HSF5: variants seen among roughly 807,000 people sequenced by gnomAD.
HSF5 encodes the protein heat shock transcription factor 5, also known as heat shock factor protein 5.
HSF5 carries 5 observed loss-of-function variants against 50.8 expected under a neutral mutation model. The ratio of observed to expected loss-of-function variants is 0.10; its 90% CI spans 0.05 to 0.21. The LOEUF is 0.21. HSF5 is among the 10% of genes least tolerant of loss of function. The pLI is 1.00. For synonymous variants in HSF5, 307 were observed against 307.4 expected, an observed-to-expected ratio of 1.00 and a Z score of 0.02; for missense variants, 564 against 762.6, an observed-to-expected ratio of 0.74 and a Z score of 3.07.
intron 5 of HSF5, among the ~76,000 whole-genome samples, chr17:58,429,550 A>G (rs1402011490): frequency 6.6e-6 from 1 of 151,894 alleles, no homozygotes; most frequent in Admixed American, 6.6e-5. Context: ...TAAAAACTAA[A>G]AAACTAAATG....
In HSF5 at chr17:58,462,670, G is replaced by A. The variant is rs565912164; in HGVS notation, c.1542+112C>T. ...ACATGATCCTCCTGGAAACCATAAT[G>A]AACTGGTATTAAACCCAAATAAAAT... On this transcript the variant is annotated intron_variant, in intron 4 of 5. Transcript: ENST00000323777. 1.7e-5 allele frequency: 17 copies of A among 995,834 alleles called. No individual in the cohort carries two copies. In the Admixed American group the frequency reaches 3.8e-4, roughly 23 times the overall value. 61.7% of individuals were successfully genotyped at this position (995,834 alleles called of 1,614,324 possible).
At chr17:58,482,572 G>C (rs2143809825) in intron 1 of HSF5, among the ~76,000 whole-genome samples, 1 of 151,810 alleles carries the variant, frequency 6.6e-6, no homozygotes, top group South Asian at 2.1e-4. Context: ...AGCTGGGCTT[G>C]GTGGCACACA....
In HSF5 at chr17:58,458,918, T is replaced by C; in HGVS notation, c.1570A>G (p.Ser524Gly). The C allele has an allele frequency of 1.9e-6, 3 of 1,610,480 alleles. No individual in the cohort carries two copies. The highest frequency in any genetic ancestry group is 2.5e-6 in the Non-Finnish European group (3 of 1,179,068). The part of the protein sequence containing the change: ...QVDANIKCQT[S>G]SRENILPSEQ... ...GACGGCAAGATATTCTCACGTGAAC[T>C]GGTCTGGCATTTTATGTTGGCATCC... The change falls in exon 5 of 6, where the codon AGT (serine) becomes GGT (glycine). Residue 524 changes from serine (S) to glycine (G), a missense_variant. Transcript: ENST00000323777.
At chr17:58,439,673 G>A (rs6503863) in intron 5 of HSF5, among the ~76,000 whole-genome samples, 72,562 of 151,826 alleles carry the variant, frequency 0.48, 17,950 homozygotes, top group African/African-American at 0.61. Context: ...CAGTAGAGAC[G>A]GGGTTTCACC....
intron 2 of HSF5, among the ~76,000 whole-genome samples, chr17:58,472,854 A>G (rs1000879055): frequency 6.6e-6 from 1 of 152,108 alleles, no homozygotes; most frequent in Admixed American, 6.5e-5. Context: ...CATTCTCTCT[A>G]CTCTGGTGAG....
At chr17:58,434,277 C>T (rs1349044195) in intron 5 of HSF5, among the ~76,000 whole-genome samples, 3 of 151,692 alleles carry the variant, frequency 2.0e-5, no homozygotes, top group Admixed American at 6.6e-5. Flanking sequence ...AATTATCTAA[C>T]ATAAAAGATA....
Position 58,461,341 on chromosome 17 carries a change from TA to T in HSF5, c.1542+1440del, listed in dbSNP as rs558004950. ...ATATACTAGATCTTGACAGTCAGGC[TA>T]AAAAAAAATGAGGTGATATAAATTT... is the stretch of plus-strand genomic sequence containing the variant. On this transcript the variant is annotated intron_variant, in intron 4 of 5. Transcript: ENST00000323777. Among the ~76,000 whole-genome samples the T allele has an allele frequency of 1.6e-4, 23 of 147,988 alleles. No homozygotes were observed. The South Asian group carries it at 3.9e-3, about 25-fold the overall frequency.
chr17:58,484,128 C>T (rs566329260), intron 1 of HSF5, among the ~76,000 whole-genome samples: 1 of 151,810 alleles, frequency 6.6e-6, no homozygotes, highest in African/African-American at 2.4e-5. Context: ...ACACAATTCC[C>T]TAGTGAACCA....
At chr17:58,480,762 G>GCCATCTATCTAT (rs1555644444) in intron 1 of HSF5, among the ~76,000 whole-genome samples, 1 of 146,374 alleles carries the variant, frequency 6.8e-6, no homozygotes, top group Non-Finnish European at 1.5e-5. Context: ...AACGCTCTTT[G>GCCATCTATCTAT]CTATCTATCT....
rs115910939 is a variant in HSF5, at chr17:58,436,536, T to C, written c.1721-14106A>G. ...ACTGACCAAAGGATAAGGCTTTACT[T>C]AGAAAAAAAAAACAACAGGAAGAGT... On this transcript the variant is annotated intron_variant, in intron 5 of 5. Coordinates refer to ENST00000323777, the MANE Select transcript of HSF5 (RefSeq NM_001080439.3). Among the ~76,000 whole-genome samples the C allele has an allele frequency of 6.8e-3, 1,031 of 150,686 alleles. 7 individuals are homozygous for C. The highest frequency in any genetic ancestry group is 0.023 in the African/African-American group (967 of 41,150).
intron 1 of HSF5, among the ~76,000 whole-genome samples, chr17:58,481,954 T>G (rs538456479): frequency 2.7e-4 from 41 of 152,166 alleles, no homozygotes; most frequent in Non-Finnish European, 1.6e-4. Flanking sequence ...AAGCTGAGAT[T>G]GAGCCACTGT....
chr17:58,474,556 A>G (rs1175201458), intron 2 of HSF5, among the ~76,000 whole-genome samples: 2 of 152,178 alleles, frequency 1.3e-5, no homozygotes, highest in African/African-American at 4.8e-5. Flanking sequence ...ACAACTCCCA[A>G]TTTATAATTT....
rs916973939 is a variant in HSF5, at chr17:58,458,820, A to C, written c.1668T>G (p.Thr556=). The change falls in exon 5 of 6, where the codon ACT becomes ACG. Residue 556 remains threonine (T), a synonymous_variant. Transcript: ENST00000323777. ...TTCTGTGCTCTCTGTATCTGGCTGG[A>C]GTGGCTAAACCTGTGTCTTCACTAG... is the stretch of plus-strand genomic sequence containing the variant. ...SKPSEDTGLA[T]PARYREHRSN... 1 of 1,613,960 alleles carries C rather than the reference A, an allele frequency of 6.2e-7. No individual in the cohort carries two copies. The highest frequency in any genetic ancestry group is 8.5e-7 in the Non-Finnish European group (1 of 1,179,996).
intron 5 of HSF5, among the ~76,000 whole-genome samples, chr17:58,444,550 A>G (rs1301188660): frequency 1.3e-5 from 2 of 152,218 alleles, no homozygotes; most frequent in Non-Finnish European, 2.9e-5. Context: ...TACACCATAT[A>G]TGAAAACTAA....
chr17:58,450,006 G>C, intron 5 of HSF5, among the ~76,000 whole-genome samples: 1 of 132,076 alleles, frequency 7.6e-6, no homozygotes. Context: ...CTGGGTGACA[G>C]AGCGAGACTC....
chr17:58,482,941 TA>T (rs146166864), intron 1 of HSF5, among the ~76,000 whole-genome samples: 2,542 of 131,152 alleles, frequency 0.019, 49 homozygotes, highest in East Asian at 0.071. Context: ...CTCTGTCTTT[TA>T]AAAAAAAAAA....
intron 1 of HSF5, among the ~76,000 whole-genome samples, chr17:58,483,144 A>T (rs962868555): frequency 6.6e-6 from 1 of 152,060 alleles, no homozygotes; most frequent in Non-Finnish European, 1.5e-5. Flanking sequence ...CCTACAGAGT[A>T]CAACAGCTCT....
chr17:58,425,593 A>C (rs997013274), intron 5 of HSF5, among the ~76,000 whole-genome samples: 4 of 150,916 alleles, frequency 2.7e-5, no homozygotes, highest in Non-Finnish European at 3.0e-5. Flanking sequence ...AAAAAAAAAA[A>C]AAAAAAAAAC....
At chr17:58,453,871 C>G (rs1974673157) in intron 5 of HSF5, among the ~76,000 whole-genome samples, 1 of 151,646 alleles carries the variant, frequency 6.6e-6, no homozygotes, top group African/African-American at 2.4e-5. Context: ...GGCAGATCAC[C>G]TGAGGTCAGG....
Sources: allele counts gnomAD v4.1 joint callset (sites outside exome capture counted in the v4.1 genomes callset), GRCh38; gene constraint gnomAD v4.1.1; transcripts MANE v1.5; gene names NCBI Gene and HGNC (gene_info 2026-07-23, HGNC 2026-07-21).